The following DPP10 variants were observed in gnomAD, a reference collection of about 807,000 sequenced individuals.
The protein encoded by DPP10 is inactive dipeptidyl peptidase 10.
A neutral mutation model predicts 120.9 loss-of-function variants in DPP10; 33 were observed. The ratio of observed to expected loss-of-function variants is 0.27; its 90% confidence interval spans 0.21 to 0.37. The LOEUF is 0.37. Ranked by LOEUF, DPP10 falls within the 10% of genes least tolerant of loss-of-function variation. DPP10 has a pLI of 1.00. For synonymous variants in DPP10, 337 were observed against 326.1 expected, an observed-to-expected ratio of 1.03 and a Z score of -0.36; for missense variants, 816 against 942.8, an observed-to-expected ratio of 0.87 and a Z score of 1.76.
intron 19 of DPP10, among the ~76,000 whole-genome samples, chr2:115,800,864 A>G (rs1380195744): frequency 6.6e-6 from 1 of 151,994 alleles, no homozygotes; most frequent in African/African-American, 2.4e-5. Context: ...GAAGTCAGGT[A>G]GCGTGATGCC....
chr2:114,697,377 C>A (rs1229482522), intron 1 of DPP10, among the ~76,000 whole-genome samples: 4 of 151,986 alleles, frequency 2.6e-5, no homozygotes, highest in Admixed American at 6.6e-5. Context: ...ACATAGAATG[C>A]TCTAAGTTAG....
At chr2:115,550,200 A>G (rs1055548418) in intron 5 of DPP10, among the ~76,000 whole-genome samples, 1 of 152,196 alleles carries the variant, frequency 6.6e-6, no homozygotes, top group Non-Finnish European at 1.5e-5. Flanking sequence ...ACATAGTTAT[A>G]GAATCTTTAA....
chr2:114,965,971 AAAAAAAAAAAAAAAAAG>A (rs1442756349), intron 1 of DPP10, among the ~76,000 whole-genome samples: 1 of 148,632 alleles, frequency 6.7e-6, no homozygotes, highest in African/African-American at 2.5e-5. Context: ...TCTCAAAAAA[AAAAAAAAAAAAAAAAAG>A]AAAAAAAAAG....
At chr2:115,171,358 C>CAAAAA (rs752738778) in intron 1 of DPP10, among the ~76,000 whole-genome samples, 35 of 114,102 alleles carry the variant, frequency 3.1e-4, no homozygotes, top group Non-Finnish European at 4.5e-4. Flanking sequence ...GAGACTCCAT[C>CAAAAA]AAAAAAAAAA....
At chr2:115,665,235 C>T (rs1242098252) in intron 5 of DPP10, among the ~76,000 whole-genome samples, 9 of 152,102 alleles carry the variant, frequency 5.9e-5, no homozygotes, top group African/African-American at 1.9e-4. Flanking sequence ...ACAATGTTAC[C>T]GTGTTTTAGC....
chr2:115,206,499 A>G (rs934102790), intron 1 of DPP10, among the ~76,000 whole-genome samples: 3 of 152,214 alleles, frequency 2.0e-5, no homozygotes, highest in East Asian at 3.9e-4. Flanking sequence ...GCTTAAAGCA[A>G]TTTTCCCCAT....
chr2:114,790,507 CTT>C (rs1304246552), intron 1 of DPP10, among the ~76,000 whole-genome samples: 1 of 152,092 alleles, frequency 6.6e-6, no homozygotes, highest in Non-Finnish European at 1.5e-5. Flanking sequence ...ACCAAACAGG[CTT>C]TGTGTGAGCA....
chr2:114,864,696 TACAA>T (rs1287745128), intron 1 of DPP10, among the ~76,000 whole-genome samples: 3 of 152,208 alleles, frequency 2.0e-5, no homozygotes, highest in African/African-American at 4.8e-5. Context: ...GGCTTGAACC[TACAA>T]ACAGATTCAC....
chr2:115,416,907 C>T (rs2069487268), intron 3 of DPP10, among the ~76,000 whole-genome samples: 3 of 152,038 alleles, frequency 2.0e-5, no homozygotes, highest in Admixed American at 1.3e-4. Flanking sequence ...CTGAGAAGAC[C>T]GCTCAAGTCA....
chr2:114,884,420 T>G (rs1298152769), intron 1 of DPP10, among the ~76,000 whole-genome samples: 1 of 152,178 alleles, frequency 6.6e-6, no homozygotes, highest in Non-Finnish European at 1.5e-5. Flanking sequence ...GAATTCTTTT[T>G]CTTGCTTTTC....
chr2:115,378,096 A>G (rs1303887981), intron 3 of DPP10, among the ~76,000 whole-genome samples: 3 of 152,112 alleles, frequency 2.0e-5, no homozygotes, highest in African/African-American at 7.2e-5. Context: ...GAAGAAAGTA[A>G]TTGGTAGCTT....
intron 5 of DPP10, among the ~76,000 whole-genome samples, chr2:115,569,466 TATATC>T (rs2081212718): frequency 1.3e-5 from 2 of 152,358 alleles, no homozygotes; most frequent in Non-Finnish European, 2.9e-5. Context: ...TTTAATTTGT[TATATC>T]AGATATTAAT....
At chr2:115,255,565 G>A (rs927907929) in intron 1 of DPP10, among the ~76,000 whole-genome samples, 3 of 151,876 alleles carry the variant, frequency 2.0e-5, no homozygotes, top group South Asian at 4.2e-4. Flanking sequence ...TCATATTGTC[G>A]GGCTGCAAAT....
chr2:114,531,493 C>CTA (rs963572757), intron 1 of DPP10, among the ~76,000 whole-genome samples: 44 of 148,764 alleles, frequency 3.0e-4, no homozygotes, highest in African/African-American at 1.1e-3. Flanking sequence ...ATATCTCTCC[C>CTA]TATATATATC....
chr2:115,437,309 T>TA (rs911525329), intron 3 of DPP10, among the ~76,000 whole-genome samples: 31 of 152,022 alleles, frequency 2.0e-4, no homozygotes, highest in Admixed American at 2.0e-4. Flanking sequence ...TGTAACCTCT[T>TA]ACGTAAGTTT....
chr2:115,742,008 G>C (rs1021231704), intron 9 of DPP10, among the ~76,000 whole-genome samples: 2 of 152,092 alleles, frequency 1.3e-5, no homozygotes, highest in South Asian at 4.1e-4. Flanking sequence ...GTAAAGATAG[G>C]CGTAACATAA....
intron 5 of DPP10, among the ~76,000 whole-genome samples, chr2:115,592,793 A>G (rs2082750704): frequency 6.7e-6 from 1 of 148,780 alleles, no homozygotes; most frequent in African/African-American, 2.5e-5. Flanking sequence ...GAAAGAAAGG[A>G]AAAAAACTGA....
At position 115,762,616 on chromosome 2, in the gene DPP10, GTA is replaced by G. The variant is rs1680250207; in HGVS notation, c.1113+9_1113+10del. 2 of 1,612,952 alleles carry G rather than the reference GTA, an allele frequency of 1.2e-6. No homozygotes were observed. Among genetic ancestry groups the G allele is most frequent in the African/African-American group, 2.7e-5 (2 of 74,936 alleles). On this transcript the variant is annotated splice_region_variant and intron_variant, in intron 12 of 25. Coordinates refer to ENST00000410059, the MANE Select transcript of DPP10 (RefSeq NM_020868.6). ...ATACGTGGCTCTCTCAGCAGGTACAGTATAGGTGGTCTGTCACATCTTGGCCA... is the reference window on the plus strand; with the variant it reads ...ATACGTGGCTCTCTCAGCAGGTACAGTAGGTGGTCTGTCACATCTTGGCCA...
At chr2:114,581,252 T>C (rs1045984375) in intron 1 of DPP10, among the ~76,000 whole-genome samples, 5 of 138,982 alleles carry the variant, frequency 3.6e-5, no homozygotes, top group African/African-American at 1.3e-4. Context: ...TGGCGCATCT[T>C]GGCTCACTGC....
Sources: allele counts gnomAD v4.1 joint callset (sites outside exome capture counted in the v4.1 genomes callset), GRCh38; gene constraint gnomAD v4.1.1; transcripts MANE v1.5; gene names NCBI Gene and HGNC (gene_info 2026-07-23, HGNC 2026-07-21).